Variants in CLVS1 observed in about 807,000 individuals in gnomAD.
The protein encoded by CLVS1 is clavesin 1.
A neutral mutation model predicts 33.1 loss-of-function variants in CLVS1; 10 were observed. That is an observed-to-expected ratio of 0.30 (90% CI 0.19 to 0.51). The LOEUF (loss-of-function observed/expected upper bound fraction) is 0.51. CLVS1 is among the 20% of genes least tolerant of loss of function. CLVS1 has a pLI of 0.97. For synonymous variants in CLVS1, 163 were observed against 166.1 expected, an observed-to-expected ratio of 0.98 and a Z score of 0.14; for missense variants, 343 against 433.4, an observed-to-expected ratio of 0.79 and a Z score of 1.85.
intron 3 of CLVS1, among the ~76,000 whole-genome samples, chr8:61,437,527 C>T (rs1458200769): frequency 6.6e-6 from 1 of 152,132 alleles, no homozygotes; most frequent in Non-Finnish European, 1.5e-5. Context: ...AAATTTATAG[C>T]TGACTAAAAT....
the CLVS1 span, among the ~76,000 whole-genome samples, chr8:61,001,758 A>T: frequency 1.3e-5 from 2 of 152,200 alleles, no homozygotes; most frequent in Non-Finnish European, 2.9e-5. Context: ...GCTCCGGCTA[A>T]ACTCAACTAC....
chr8:61,310,153 T>A (rs1810784194), intron 2 of CLVS1, among the ~76,000 whole-genome samples: 1 of 152,210 alleles, frequency 6.6e-6, no homozygotes, highest in Non-Finnish European at 1.5e-5. Context: ...TGTCTGCCCT[T>A]CCCACCAAAA....
intron 2 of CLVS1, chr8:61,202,787 G>T (rs1471791773): frequency 6.8e-7 from 1 of 1,475,350 alleles, no homozygotes; most frequent in Non-Finnish European, 9.4e-7. Context: ...TCTGCCCTCG[G>T]AGGTAGTAGC....
In CLVS1 at chr8:61,166,620, A is replaced by T. The variant is rs187233405; in HGVS notation, c.-152+34760A>T. Among the ~76,000 whole-genome samples the T allele has an allele frequency of 6.0e-3, 916 of 152,140 alleles. 6 individuals carry two copies. Among genetic ancestry groups the T allele is most frequent in the Middle Eastern group, 0.034 (10 of 294 alleles). Reference sequence around the variant, plus strand: ...AAAAGAGAACTTTATGCTAAAAAAAATTTTTTTGATTAGTAATTACCCTAA... The same window carrying T: ...AAAAGAGAACTTTATGCTAAAAAAATTTTTTTTGATTAGTAATTACCCTAA... On this transcript the variant is annotated intron_variant, in intron 2 of 2. Coordinates refer to the CLVS1 transcript ENST00000522621.
chr8:61,239,587 T>C (rs1039941456), intron 2 of CLVS1, among the ~76,000 whole-genome samples: 2 of 151,966 alleles, frequency 1.3e-5, no homozygotes, highest in African/African-American at 4.8e-5. Context: ...AATTTAAAAA[T>C]TAGCTGGGCA....
At chr8:61,031,980 TG>T in the CLVS1 span, among the ~76,000 whole-genome samples, 1 of 152,074 alleles carries the variant, frequency 6.6e-6, no homozygotes, top group African/African-American at 2.4e-5. Context: ...AGATAAAATA[TG>T]GGGGCAATAT....
At chr8:60,972,722 A>T in the CLVS1 span, among the ~76,000 whole-genome samples, 3 of 152,290 alleles carry the variant, frequency 2.0e-5, no homozygotes, top group African/African-American at 7.2e-5. Flanking sequence ...TGTTTTCCAC[A>T]ACACTATGAT....
chr8:61,392,311 G>A (rs1164300697), intron 3 of CLVS1, among the ~76,000 whole-genome samples: 3 of 151,764 alleles, frequency 2.0e-5, no homozygotes, highest in South Asian at 2.1e-4. Flanking sequence ...CAGCCTGGGC[G>A]AGAAAGTGAG....
chr8:61,436,492 CA>C (rs1816335481), intron 3 of CLVS1, among the ~76,000 whole-genome samples: 2 of 152,160 alleles, frequency 1.3e-5, no homozygotes, highest in African/African-American at 4.8e-5. Flanking sequence ...GCATCTTATT[CA>C]GCCTCTCAGG....
intron 2 of CLVS1, among the ~76,000 whole-genome samples, chr8:61,210,831 C>T (rs1314567169): frequency 6.6e-6 from 1 of 152,000 alleles, no homozygotes; most frequent in Admixed American, 6.5e-5. Flanking sequence ...TTGGGGATTC[C>T]ACGACATAGA....
upstream of CLVS1, among the ~76,000 whole-genome samples, chr8:61,055,548 C>A (rs1014777974): frequency 6.6e-6 from 1 of 152,206 alleles, no homozygotes; most frequent in Non-Finnish European, 1.5e-5. Flanking sequence ...TAATTGAATT[C>A]TCCTTTCTAA....
chr8:61,202,775 G>A (rs1427316484), intron 2 of CLVS1: 10 of 1,546,118 alleles, frequency 6.5e-6, no homozygotes, highest in Admixed American at 3.3e-5. Context: ...TCTGGAAAGC[G>A]ATCTGCCCTC....
At chr8:61,152,800 C>T (rs1806566799) in intron 2 of CLVS1, among the ~76,000 whole-genome samples, 2 of 152,152 alleles carry the variant, frequency 1.3e-5, no homozygotes, top group Non-Finnish European at 2.9e-5. Flanking sequence ...AATACTATCA[C>T]GTTGGGGGTT....
At chr8:61,273,094 G>T (rs931086753) in intron 2 of CLVS1, among the ~76,000 whole-genome samples, 4 of 150,708 alleles carry the variant, frequency 2.7e-5, no homozygotes, top group African/African-American at 9.9e-5. Flanking sequence ...CAGTTTTTCT[G>T]TTCTGTTTTT....
In CLVS1 at chr8:61,232,023, G is replaced by GTTTGTTTTTTTTTTTTTTTT; in HGVS notation, c.-151-67651_-151-67650insGTTTTTTTTTTTTTTTTTTT. Among the ~76,000 whole-genome samples, 29 of 62,638 alleles carry GTTTGTTTTTTTTTTTTTTTT rather than the reference G, an allele frequency of 4.6e-4. 2 individuals are homozygous for GTTTGTTTTTTTTTTTTTTTT. The highest frequency in any genetic ancestry group is 1.7e-3 in the East Asian group (5 of 2,862). The allele number at this position is 62,638 out of a possible 152,430, so 41.1% of individuals were successfully genotyped here. ...AGAAGGAGCCCTGAGGAAAGTTGTG[G>GTTTGTTTTTTTTTTTTTTTT]TTTTTTTTTTTTTTTTTTTTTTTTT... On this transcript the variant is annotated intron_variant, in intron 2 of 2. Transcript: ENST00000522621.
intron 1 of CLVS1, among the ~76,000 whole-genome samples, chr8:61,083,048 GT>G (rs1359372092): frequency 6.6e-6 from 1 of 152,096 alleles, no homozygotes; most frequent in African/African-American, 2.4e-5. Flanking sequence ...AAGGAGGTTT[GT>G]CACCAGTCAA....
At chr8:61,057,463 C>T (rs1183875486) in intron 1 of CLVS1, among the ~76,000 whole-genome samples, 2 of 151,968 alleles carry the variant, frequency 1.3e-5, no homozygotes, top group Non-Finnish European at 2.9e-5. Context: ...TTTGTACTCT[C>T]TGTTTCTTAG....
chr8:61,093,852 T>C (rs13259484), intron 1 of CLVS1, among the ~76,000 whole-genome samples: 1,657 of 152,336 alleles, frequency 0.011, 18 homozygotes, highest in Middle Eastern at 0.02. Flanking sequence ...ACAACTACTA[T>C]GGTGACTGGG....
chr8:61,335,202 C>T (rs55822847), intron 2 of CLVS1, among the ~76,000 whole-genome samples: 9,532 of 152,254 alleles, frequency 0.063, 419 homozygotes, highest in Non-Finnish European at 0.089. Context: ...AATCTGTAGC[C>T]TCCAGCTGCA....
Sources: allele counts gnomAD v4.1 joint callset (sites outside exome capture counted in the v4.1 genomes callset), GRCh38; gene constraint gnomAD v4.1.1; transcripts MANE v1.5; gene names NCBI Gene and HGNC (gene_info 2026-07-23, HGNC 2026-07-21).